Variants in LEPR observed in about 807,000 individuals in gnomAD.
LEPR encodes leptin receptor, also known as OB receptor.
LEPR carries 56 observed loss-of-function variants against 114.7 expected under a neutral mutation model. That is an observed-to-expected ratio of 0.49 (90% CI 0.39 to 0.61). The LOEUF is 0.61. LEPR is among the 20% of genes least tolerant of loss of function. The pLI, the probability that LEPR is intolerant of heterozygous loss-of-function variation, is 0.00. For missense variants in LEPR, 1,202 were observed against 1,352.9 expected, an observed-to-expected ratio of 0.89 and a Z score of 1.75; for synonymous variants, 443 against 461.4, an observed-to-expected ratio of 0.96 and a Z score of 0.51.
intron 2 of LEPR, among the ~76,000 whole-genome samples, chr1:65,428,258 C>T (rs17127608): frequency 0.04 from 6,031 of 152,020 alleles, 411 homozygotes; most frequent in African/African-American, 0.14. Flanking sequence ...AGTTGGATAT[C>T]GGTGGCTTAC....
intron 2 of LEPR, among the ~76,000 whole-genome samples, chr1:65,449,420 C>A (rs183934123): frequency 6.6e-6 from 1 of 152,232 alleles, no homozygotes; most frequent in East Asian, 1.9e-4. Context: ...TGCTCCCCTG[C>A]ACAGCTGCCT....
At chr1:65,458,347 A>G (rs1235415729) in intron 2 of LEPR, among the ~76,000 whole-genome samples, 1 of 152,096 alleles carries the variant, frequency 6.6e-6, no homozygotes, top group Non-Finnish European at 1.5e-5. Context: ...AGAACTCTTG[A>G]CATTTCTTTC....
intron 2 of LEPR, among the ~76,000 whole-genome samples, chr1:65,484,405 AAG>A (rs1054460618): frequency 1.2e-4 from 19 of 152,094 alleles, no homozygotes; most frequent in Non-Finnish European, 2.8e-4. Flanking sequence ...TTTTTTAAAA[AAG>A]AGTTCGTTTA....
intron 11 of LEPR, among the ~76,000 whole-genome samples, chr1:65,608,117 ACACT>A (rs1016534645): frequency 3.3e-5 from 5 of 150,810 alleles, no homozygotes; most frequent in Non-Finnish European, 7.4e-5. Context: ...TAAGAGTTTC[ACACT>A]CACACATATG....
intron 18 of LEPR, among the ~76,000 whole-genome samples, 182 bp downstream of exon 18, chr1:65,621,640 C>G (rs1274756201): frequency 6.6e-6 from 1 of 152,086 alleles, no homozygotes; most frequent in Non-Finnish European, 1.5e-5. Flanking sequence ...TTCCATTTTG[C>G]TAGGACTGTA....
At chr1:65,611,837 C>G (rs1657189311) in intron 14 of LEPR, among the ~76,000 whole-genome samples, 1 of 152,186 alleles carries the variant, frequency 6.6e-6, no homozygotes, top group Admixed American at 6.5e-5. Context: ...GACTCAGCAA[C>G]TGAATTTTAA....
At chr1:65,566,378 T>G (rs1043716851) in intron 3 of LEPR, among the ~76,000 whole-genome samples, 4 of 152,116 alleles carry the variant, frequency 2.6e-5, no homozygotes, top group Non-Finnish European at 5.9e-5. Context: ...AATTTTTGTA[T>G]TTTTAGTAGA....
Position 65,637,030 on chromosome 1 carries a change from C to A in LEPR, c.*15C>A. ...TAACTGTGTAATTTCACTGAAGAAA[C>A]CTTCAGATTTGTGTTATAATGGGTA... On this transcript the variant is annotated 3_prime_UTR_variant, in exon 20 of 20. Transcript: ENST00000349533. 1 of 1,609,846 alleles carries A rather than the reference C, an allele frequency of 6.2e-7. No homozygotes were observed. Among genetic ancestry groups the A allele is most frequent in the Non-Finnish European group, 8.5e-7 (1 of 1,177,894 alleles).
intron 6 of LEPR, among the ~76,000 whole-genome samples, chr1:65,594,167 G>C (rs1221526882): frequency 6.6e-6 from 1 of 151,958 alleles, no homozygotes; most frequent in African/African-American, 2.4e-5. Context: ...ATCTCCTTTA[G>C]GACATAGCAT....
At position 65,636,295 on chromosome 1, in the gene LEPR, A is replaced by G. The variant is rs1404124872; in HGVS notation, c.2778A>G (p.Thr926=). The G allele has an allele frequency of 2.5e-6, 4 of 1,614,036 alleles. No individual in the cohort carries two copies. The highest frequency in any genetic ancestry group is 1.3e-5 in the African/African-American group (1 of 75,026). ...TTTCAGAAGATATCAGTGTTGATAC[A>G]TCATGGAAAAATAAAGATGAGATGA... is the stretch of plus-strand genomic sequence containing the variant. ...ETISEDISVD[T]SWKNKDEMMP... Residue 926 remains threonine, a synonymous_variant, in exon 20 of 20, where the codon ACA becomes ACG. Transcript: ENST00000349533.
chr1:65,425,418 G>A (rs1402528190), intron 2 of LEPR, 40 bp downstream of exon 2: 2 of 1,542,944 alleles, frequency 1.3e-6, no homozygotes, highest in Non-Finnish European at 1.8e-6. Context: ...CTCTTTCTGT[G>A]TCTTTGTCAC....
chr1:65,518,918 T>G (rs1264358881), intron 2 of LEPR, among the ~76,000 whole-genome samples: 1 of 56,078 alleles, frequency 1.8e-5, no homozygotes. Context: ...TCTTTCTTTC[T>G]CTCTTTCTCT....
intron 16 of LEPR, 139 bp from the exon 17 acceptor site, chr1:65,619,789 A>G (rs1657764021): frequency 4.2e-6 from 3 of 719,434 alleles, no homozygotes; most frequent in Non-Finnish European, 7.0e-6. Context: ...AACTCCCTTG[A>G]TAATTTAATC....
chr1:65,487,839 T>C (rs1237168057), intron 2 of LEPR, among the ~76,000 whole-genome samples: 2 of 152,218 alleles, frequency 1.3e-5, no homozygotes, highest in Non-Finnish European at 2.9e-5. Context: ...GCATGTATTA[T>C]TTCTTTGTGT....
intron 2 of LEPR, chr1:65,525,923 C>T: frequency 2.2e-6 from 2 of 902,494 alleles, no homozygotes; most frequent in Non-Finnish European, 2.7e-6. Context: ...CGGAGCCCCG[C>T]GGGCCGCTTA....
chr1:65,476,853 A>T (rs1428521282), intron 2 of LEPR, among the ~76,000 whole-genome samples: 2 of 152,252 alleles, frequency 1.3e-5, no homozygotes, highest in African/African-American at 4.8e-5. Context: ...CTTTTTGAGC[A>T]TAGAACTTAA....
chr1:65,624,122 A>G (rs1658051875), intron 19 of LEPR, among the ~76,000 whole-genome samples: 1 of 152,170 alleles, frequency 6.6e-6, no homozygotes, highest in Non-Finnish European at 1.5e-5. Flanking sequence ...GCACTGAGAT[A>G]CATATTCTTA....
At chr1:65,558,027 A>G (rs1472856612) in intron 2 of LEPR, among the ~76,000 whole-genome samples, 1 of 152,222 alleles carries the variant, frequency 6.6e-6, no homozygotes, top group Non-Finnish European at 1.5e-5. Context: ...CAGGTGAGTT[A>G]AAAACAAGCC....
chr1:65,528,931 A>G (rs1650168468), intron 2 of LEPR, among the ~76,000 whole-genome samples: 2 of 151,232 alleles, frequency 1.3e-5, no homozygotes, highest in Non-Finnish European at 1.5e-5. Context: ...CAGCCTCCCA[A>G]GTATCTGGGA....
Sources: allele counts gnomAD v4.1 joint callset (sites outside exome capture counted in the v4.1 genomes callset), GRCh38; gene constraint gnomAD v4.1.1; transcripts MANE v1.5; gene names NCBI Gene and HGNC (gene_info 2026-07-23, HGNC 2026-07-21).